Variants in RSU1 observed in about 807,000 individuals in gnomAD.
The protein encoded by RSU1 is rsu-1.
Under a neutral mutation model 31.1 loss-of-function variants are expected in RSU1, and 26 were observed. That is an observed-to-expected ratio of 0.84 (90% CI 0.61 to 1.16). The LOEUF (loss-of-function observed/expected upper bound fraction) is 1.16. Ranked by LOEUF, RSU1 falls within the 50% of genes most tolerant of loss-of-function variation. The pLI is 0.00. For missense variants in RSU1, 320 were observed against 339.1 expected, an observed-to-expected ratio of 0.94 and a Z score of 0.44; for synonymous variants, 164 against 136.3, an observed-to-expected ratio of 1.20 and a Z score of -1.41.
chr10:16,804,788 A>T (rs920637340), intron 2 of RSU1, among the ~76,000 whole-genome samples: 2 of 152,194 alleles, frequency 1.3e-5, no homozygotes, highest in African/African-American at 4.8e-5. Flanking sequence ...ACAAACTGTA[A>T]CATTTCAGTG....
At position 16,722,859 on chromosome 10, in the gene RSU1, T is replaced by C. The variant is rs370513983; in HGVS notation, c.599-27704A>G. Among the ~76,000 whole-genome samples, 71 of 118,074 alleles carry C rather than the reference T, an allele frequency of 6.0e-4. 1 individual carries two copies. Among genetic ancestry groups the C allele is most frequent in the African/African-American group, 1.5e-3 (53 of 35,356 alleles). 77.5% of individuals were successfully genotyped at this position (118,074 alleles called of 152,430 possible). Reference sequence around the variant, plus strand: ...ATATATGTATATATACACACATATATACATATATGTATATATACACACATA... The same window carrying C: ...ATATATGTATATATACACACATATACACATATATGTATATATACACACATA... On this transcript the variant is annotated intron_variant, in intron 7 of 8. Coordinates refer to ENST00000345264, the MANE Select transcript of RSU1 (RefSeq NM_012425.4).
chr10:16,755,311 T>C (rs545506630), intron 4 of RSU1, among the ~76,000 whole-genome samples: 104 of 152,076 alleles, frequency 6.8e-4, no homozygotes, highest in African/African-American at 2.5e-3. Flanking sequence ...TTTGCAGAGA[T>C]GGGGTTTTGC....
intron 8 of RSU1, among the ~76,000 whole-genome samples, chr10:16,660,063 G>C (rs1404307727): frequency 6.6e-6 from 1 of 152,226 alleles, no homozygotes; most frequent in Non-Finnish European, 1.5e-5. Flanking sequence ...TTGGAAGATA[G>C]AGATAGTGTC....
intron 8 of RSU1, among the ~76,000 whole-genome samples, chr10:16,616,708 C>G (rs190879550): frequency 2.0e-5 from 3 of 152,308 alleles, no homozygotes; most frequent in Admixed American, 1.3e-4. Context: ...AAGGCTGGTT[C>G]AGCATACGCA....
chr10:16,799,060 G>A (rs1353391436), intron 2 of RSU1, among the ~76,000 whole-genome samples: 5 of 152,134 alleles, frequency 3.3e-5, no homozygotes, highest in Non-Finnish European at 7.3e-5. Flanking sequence ...GACTCCTAAT[G>A]CGCATAAAAG....
chr10:16,659,068 C>T (rs1329652823), intron 8 of RSU1, among the ~76,000 whole-genome samples: 1 of 152,156 alleles, frequency 6.6e-6, no homozygotes, highest in Non-Finnish European at 1.5e-5. Flanking sequence ...CTTGTTCATA[C>T]CTTTTATCAA....
chr10:16,614,245 T>C (rs1163192024), intron 8 of RSU1, among the ~76,000 whole-genome samples: 1 of 152,062 alleles, frequency 6.6e-6, no homozygotes, highest in East Asian at 1.9e-4. Flanking sequence ...TCTGAAAATG[T>C]TGTAGATGTT....
intron 8 of RSU1, among the ~76,000 whole-genome samples, chr10:16,659,480 A>G (rs747228060): frequency 1.3e-5 from 2 of 151,948 alleles, no homozygotes; most frequent in Non-Finnish European, 2.9e-5. Flanking sequence ...TAACTGCATG[A>G]TTTATTGATT....
chr10:16,817,034 GTTC>G lies in RSU1; in HGVS notation c.45_47del (p.Lys15del). 6.2e-7 allele frequency: 1 copy of G among 1,614,250 alleles called. No homozygotes were observed. Among genetic ancestry groups the G allele is most frequent in the Non-Finnish European group, 8.5e-7 (1 of 1,180,042 alleles). On this transcript the variant is annotated inframe_deletion, in exon 2 of 9. Transcript: ENST00000345264. ...GGTCACTCATGTCCACCTCGGGCTG[GTTC>G]TTCTCCCGGCTCTCCTCCACCAACT...
At chr10:16,789,163 C>G (rs998306632) in intron 2 of RSU1, among the ~76,000 whole-genome samples, 6 of 152,210 alleles carry the variant, frequency 3.9e-5, no homozygotes, top group Non-Finnish European at 8.8e-5. Flanking sequence ...GTCCTTTCAA[C>G]AAACACTTAG....
chr10:16,635,751 CTT>C (rs1308755499), intron 8 of RSU1, among the ~76,000 whole-genome samples: 1 of 152,254 alleles, frequency 6.6e-6, no homozygotes, highest in Non-Finnish European at 1.5e-5. Context: ...TTTGCCTTCA[CTT>C]GGAATAAACT....
intron 8 of RSU1, among the ~76,000 whole-genome samples, chr10:16,653,263 T>G (rs1260516918): frequency 1.3e-5 from 2 of 152,178 alleles, no homozygotes; most frequent in East Asian, 3.8e-4. Flanking sequence ...CTATCTCCAT[T>G]TTAAAGTTGA....
At chr10:16,599,644 GATTAA>G (rs1008552670) in intron 8 of RSU1, among the ~76,000 whole-genome samples, 10 of 152,324 alleles carry the variant, frequency 6.6e-5, no homozygotes, top group African/African-American at 2.2e-4. Context: ...CTTGGGAGAA[GATTAA>G]ATTAGGGAAA....
chr10:16,671,819 G>T (rs1012395137), intron 8 of RSU1, among the ~76,000 whole-genome samples: 1 of 150,910 alleles, frequency 6.6e-6, no homozygotes, highest in East Asian at 2.0e-4. Flanking sequence ...GTAGAGATGG[G>T]GTTTCACCAT....
chr10:16,605,249 A>G (rs921528187), intron 8 of RSU1, among the ~76,000 whole-genome samples: 1 of 152,002 alleles, frequency 6.6e-6, no homozygotes, highest in Non-Finnish European at 1.5e-5. Flanking sequence ...CACACTTTCT[A>G]TCTTTGACTA....
chr10:16,778,733 C>T (rs1837592483), intron 3 of RSU1, among the ~76,000 whole-genome samples: 1 of 151,924 alleles, frequency 6.6e-6, no homozygotes, highest in East Asian at 1.9e-4. Context: ...GATCCTGGGC[C>T]CAGAGGCAGG....
At chr10:16,662,536 C>A (rs1207495949) in intron 8 of RSU1, among the ~76,000 whole-genome samples, 2 of 152,136 alleles carry the variant, frequency 1.3e-5, no homozygotes, top group African/African-American at 4.8e-5. Context: ...CATATTGTAG[C>A]CTACTTTAAC....
chr10:16,637,894 G>A (rs1260934550), intron 8 of RSU1, among the ~76,000 whole-genome samples: 1 of 151,706 alleles, frequency 6.6e-6, no homozygotes, highest in Non-Finnish European at 1.5e-5. Flanking sequence ...ACAAAGAACA[G>A]TACCCGCATC....
intron 2 of RSU1, among the ~76,000 whole-genome samples, chr10:16,805,788 G>A (rs1021032541): frequency 6.6e-6 from 1 of 151,854 alleles, no homozygotes; most frequent in South Asian, 2.1e-4. Flanking sequence ...TTGCGTGTCA[G>A]GTACCAAATC....
Sources: allele counts gnomAD v4.1 joint callset (sites outside exome capture counted in the v4.1 genomes callset), GRCh38; gene constraint gnomAD v4.1.1; transcripts MANE v1.5; gene names NCBI Gene and HGNC (gene_info 2026-07-23, HGNC 2026-07-21).